Variants in XPO6 observed in about 807,000 individuals in gnomAD.
XPO6 encodes the protein exportin 6.
Under a neutral mutation model 130.0 loss-of-function variants are expected in XPO6, and 3 were observed. The observed-to-expected ratio is 0.02, with a 90% CI of 0.01 to 0.06. The LOEUF is 0.06. XPO6 is among the 10% of genes least tolerant of loss of function. The probability of loss-of-function intolerance (pLI) is 1.00; values close to 1 mark genes in which losing one functional copy is unlikely to be tolerated. For missense variants in XPO6, 970 were observed against 1,393.0 expected, an observed-to-expected ratio of 0.70 and a Z score of 4.83; for synonymous variants, 524 against 548.9, an observed-to-expected ratio of 0.95 and a Z score of 0.63.
intron 1 of XPO6, among the ~76,000 whole-genome samples, chr16:28,211,165 C>T (rs997657445): frequency 6.6e-6 from 1 of 152,222 alleles, no homozygotes; most frequent in African/African-American, 2.4e-5. Context: ...CCAGGGCCCT[C>T]CCAGGCCTGA....
At chr16:28,128,362 C>CA (rs1293292291) in intron 12 of XPO6, among the ~76,000 whole-genome samples, 2 of 152,118 alleles carry the variant, frequency 1.3e-5, no homozygotes, top group Non-Finnish European at 2.9e-5. Context: ...CACTGGGGGT[C>CA]ACTGAGTCCG....
chr16:28,103,787 G>A (rs2086706570), intron 21 of XPO6, among the ~76,000 whole-genome samples: 1 of 152,250 alleles, frequency 6.6e-6, no homozygotes, highest in Admixed American at 6.5e-5. Flanking sequence ...GTATGTGTGT[G>A]TGTGCGCGCG....
chr16:28,112,070 AAC>A, intron 16 of XPO6, 64 bp from the exon 17 acceptor site: 1 of 1,527,652 alleles, frequency 6.5e-7, no homozygotes, highest in Non-Finnish European at 8.8e-7. Context: ...CGGCATGCCC[AAC>A]ACAGCCTTCA....
chr16:28,204,158 T>C (rs2043990758), intron 1 of XPO6, among the ~76,000 whole-genome samples: 1 of 152,150 alleles, frequency 6.6e-6, no homozygotes, highest in South Asian at 2.1e-4. Context: ...TCTAGACTCT[T>C]GGGATACATG....
intron 9 of XPO6, among the ~76,000 whole-genome samples, chr16:28,137,507 A>G (rs971123230): frequency 1.6e-4 from 25 of 152,250 alleles, no homozygotes; most frequent in African/African-American, 5.8e-4. Context: ...AACCAAAGTT[A>G]AAAGATATCC....
intron 14 of XPO6, among the ~76,000 whole-genome samples, chr16:28,120,088 G>A (rs143166385): frequency 0.017 from 2,615 of 152,160 alleles, 32 homozygotes; most frequent in Non-Finnish European, 0.027. Context: ...CAAGTGATCC[G>A]CCTGCCTCGG....
Position 28,106,233 on chromosome 16 carries a change from C to A in XPO6, c.2613-19G>T. On this transcript the variant is annotated intron_variant, in intron 19 of 23. Coordinates refer to ENST00000304658, the MANE Select transcript of XPO6 (RefSeq NM_015171.4). The surrounding 1 kb of genome is among the most constrained non-coding windows in gnomAD (Gnocchi z 4.2). Reference sequence around the variant, plus strand: ...CTGCTCTCTACAGAGGAGAAAGCCACACAGTGAGCAACCACATGTTTCTCT... The same window carrying A: ...CTGCTCTCTACAGAGGAGAAAGCCAAACAGTGAGCAACCACATGTTTCTCT... The A allele has an allele frequency of 6.2e-7, 1 of 1,612,574 alleles. No homozygotes were observed. Among genetic ancestry groups the A allele is most frequent in the Non-Finnish European group, 8.5e-7 (1 of 1,178,848 alleles).
Position 28,101,610 on chromosome 16 carries a change from G to A in XPO6, c.3124C>T (p.Leu1042=), listed in dbSNP as rs1268185635. 2 of 1,614,114 alleles carry A rather than the reference G, an allele frequency of 1.2e-6. No individual in the cohort carries two copies. The highest frequency in any genetic ancestry group is 1.6e-4 in the Middle Eastern group (1 of 6,084). The change falls in exon 23 of 24, where the codon CTG becomes TTG. Residue 1042 remains leucine (L), a synonymous_variant. Transcript: ENST00000304658. The surrounding 1 kb of genome is among the most constrained non-coding windows in gnomAD (Gnocchi z 5.4). ...QVLVHKSHDL[L]QEEIGIAIYN... ...ATGGCGATGCCAATCTCCTCCTGCAGAAGATCATGGGACTTGTGGACCAGG... is the reference window on the plus strand; with the variant it reads ...ATGGCGATGCCAATCTCCTCCTGCAAAAGATCATGGGACTTGTGGACCAGG...
At chr16:28,163,062 C>T (rs1426441267) in intron 6 of XPO6, among the ~76,000 whole-genome samples, 2 of 152,246 alleles carry the variant, frequency 1.3e-5, no homozygotes, top group Admixed American at 1.3e-4. Context: ...CTTCTCCAGT[C>T]GCGTTAACCT....
At chr16:28,112,094 C>A in intron 16 of XPO6, 88 bp from the exon 17 acceptor site, 1 of 1,436,192 alleles carries the variant, frequency 7.0e-7, no homozygotes, top group Non-Finnish European at 9.4e-7. Context: ...CACCCGCTGG[C>A]TGCACACCTG....
chr16:28,136,422 G>T (rs1596851665), intron 9 of XPO6, among the ~76,000 whole-genome samples: 1 of 152,102 alleles, frequency 6.6e-6, no homozygotes, highest in Non-Finnish European at 1.5e-5. Flanking sequence ...ATTTCGCCAT[G>T]TTGGCCAGAT....
At position 28,103,210 on chromosome 16, in the gene XPO6, A is replaced by G. The variant is rs528910133; in HGVS notation, c.2947-1265T>C. Among the ~76,000 whole-genome samples, 7 of 152,242 alleles carry G rather than the reference A, an allele frequency of 4.6e-5. No homozygotes were observed. In the South Asian group the frequency reaches 1.5e-3, roughly 32 times the overall value. Reference sequence around the variant, plus strand: ...CTGTCCCTGTGGTTCTACCTTTTCCAGAATGTCATAGAATGGCATGGGATC... The same window carrying G: ...CTGTCCCTGTGGTTCTACCTTTTCCGGAATGTCATAGAATGGCATGGGATC... On this transcript the variant is annotated intron_variant, in intron 21 of 23. Transcript: ENST00000304658.
chr16:28,127,349 C>T (rs569536644), intron 12 of XPO6, among the ~76,000 whole-genome samples: 28 of 152,290 alleles, frequency 1.8e-4, no homozygotes, highest in Non-Finnish European at 2.8e-4. Context: ...CCTTGGCACC[C>T]GTGCCCATAA....
At chr16:28,143,289 A>C (rs750727287) in intron 9 of XPO6, among the ~76,000 whole-genome samples, 3 of 152,184 alleles carry the variant, frequency 2.0e-5, no homozygotes, top group Non-Finnish European at 4.4e-5. Flanking sequence ...CCACAGTCTA[A>C]AGGCAGTAAC....
At chr16:28,179,811 A>T (rs532755547) in intron 2 of XPO6, among the ~76,000 whole-genome samples, 157 of 152,274 alleles carry the variant, frequency 1.0e-3, no homozygotes, top group South Asian at 1.9e-3. Context: ...AAGAGAACTG[A>T]ACTAAGACAA....
At chr16:28,126,965 C>T (rs571753168) in intron 12 of XPO6, among the ~76,000 whole-genome samples, 1 of 152,098 alleles carries the variant, frequency 6.6e-6, no homozygotes, top group African/African-American at 2.4e-5. Context: ...TGGTCATCAC[C>T]AACCCTCCTC....
At chr16:28,178,471 A>G (rs1366429362) in intron 2 of XPO6, among the ~76,000 whole-genome samples, 2 of 151,544 alleles carry the variant, frequency 1.3e-5, no homozygotes, top group Non-Finnish European at 2.9e-5. Flanking sequence ...CAAGAGGCTG[A>G]GGCAGGAGGA....
intron 9 of XPO6, among the ~76,000 whole-genome samples, chr16:28,142,074 G>A (rs1174748377): frequency 6.6e-6 from 1 of 152,198 alleles, no homozygotes; most frequent in Non-Finnish European, 1.5e-5. Context: ...TTAAACCACA[G>A]GGGACAGGAA....
intron 6 of XPO6, among the ~76,000 whole-genome samples, chr16:28,162,808 G>A (rs753990731): frequency 1.3e-5 from 2 of 151,866 alleles, no homozygotes; most frequent in African/African-American, 2.4e-5. Flanking sequence ...CTCTCACCTC[G>A]GCCCCCCAAA....
Sources: allele counts gnomAD v4.1 joint callset (sites outside exome capture counted in the v4.1 genomes callset), GRCh38; gene constraint gnomAD v4.1.1; non-coding constraint Gnocchi (gnomAD v3.1); transcripts MANE v1.5; gene names NCBI Gene and HGNC (gene_info 2026-07-23, HGNC 2026-07-21).